Variants in ZNF385C observed in about 807,000 individuals in gnomAD.
The protein encoded by ZNF385C is zinc finger protein 385C.
In ZNF385C, 28 loss-of-function variants were observed where a neutral mutation model predicts 35.4. The observed-to-expected ratio is 0.79, with a 90% CI of 0.59 to 1.08. The LOEUF (loss-of-function observed/expected upper bound fraction) is 1.08, where lower values mean the gene tolerates loss of function less well. Ranked by LOEUF, ZNF385C falls within the 50% of genes least tolerant of loss-of-function variation. ZNF385C has a pLI of 0.00. For synonymous variants in ZNF385C, 248 were observed against 248.2 expected, an observed-to-expected ratio of 1.00 and a Z score of 0.01; for missense variants, 605 against 595.6, an observed-to-expected ratio of 1.02 and a Z score of -0.16.
intron 1 of ZNF385C, among the ~76,000 whole-genome samples, chr17:42,067,512 C>T (rs1224787230): frequency 1.3e-5 from 2 of 152,096 alleles, no homozygotes; most frequent in African/African-American, 4.8e-5. Context: ...AGACTCCGTA[C>T]CCCCTGGGCA....
chr17:42,085,614 T>G (rs1555660064), intron 1 of ZNF385C, among the ~76,000 whole-genome samples: 1 of 149,480 alleles, frequency 6.7e-6, no homozygotes, highest in Non-Finnish European at 1.5e-5. Context: ...TTTTTTTTTT[T>G]TGAGACAGAG....
intron 1 of ZNF385C, among the ~76,000 whole-genome samples, chr17:42,086,111 G>T (rs1035164248): frequency 7.2e-5 from 11 of 152,100 alleles, no homozygotes; most frequent in African/African-American, 2.2e-4. Context: ...TAAAAAACCG[G>T]CTGGGTGCAG....
At chr17:42,072,504 G>C (rs1035111692) in intron 1 of ZNF385C, among the ~76,000 whole-genome samples, 3 of 152,072 alleles carry the variant, frequency 2.0e-5, no homozygotes, top group Non-Finnish European at 2.9e-5. Flanking sequence ...CCCCCGCGGC[G>C]CGTGGGTCCG....
In ZNF385C at chr17:42,050,985, G is replaced by C. The variant is rs1018939160; in HGVS notation, c.250+11822C>G. Among the ~76,000 whole-genome samples the C allele has an allele frequency of 6.6e-6, 1 of 152,010 alleles. No individual in the cohort carries two copies. The highest frequency in any genetic ancestry group is 2.4e-5 in the African/African-American group (1 of 41,380). On this transcript the variant is annotated intron_variant, in intron 2 of 8. Transcript: ENST00000692273. This position sits in a 1 kb window ranked among gnomAD's most constrained non-coding sequence, Gnocchi z 5.6. ...AAGTGCTTTGGGATCACGAAGGAGC[G>C]GGCGACCAGCTGAAGGTCTGCAGGG...
At chr17:42,057,858 G>A (rs142892929) in intron 2 of ZNF385C, among the ~76,000 whole-genome samples, 183 of 152,124 alleles carry the variant, frequency 1.2e-3, no homozygotes, top group African/African-American at 4.3e-3. Flanking sequence ...CAGGAGAATC[G>A]CTTGAACCTG....
chr17:42,061,207 A>ATTTTTTTTTTTTTTTTTTTTTT (rs10617911), intron 2 of ZNF385C: 8 of 57,506 alleles, frequency 1.4e-4, no homozygotes, highest in Admixed American at 3.1e-4. Flanking sequence ...TAATGAGTTA[A>ATTTTTTTTTTTTTTTTTTTTTT]TTTTTTTTTT....
chr17:42,031,915 C>T (rs2052738863), intron 4 of ZNF385C, 131 bp from the exon 5 acceptor site: 1 of 1,000,564 alleles, frequency 1.0e-6, no homozygotes, highest in Admixed American at 2.7e-5. Context: ...AAGTCCTTGT[C>T]CTTGTCATCA....
At chr17:42,093,772 C>A (rs916982764) in intron 1 of ZNF385C, among the ~76,000 whole-genome samples, 3 of 151,736 alleles carry the variant, frequency 2.0e-5, no homozygotes, top group Non-Finnish European at 4.4e-5. Flanking sequence ...TTAGCAGAGA[C>A]GAGGTTTCAC....
Position 42,034,275 on chromosome 17 carries a change from T to G in ZNF385C, c.460A>C (p.Lys154Gln). ...ATGTTACAGGAAATGAACAGCTTCT[T>G]CTTCAGAGGGGAGGGGACACCAAAC... ...HTFGVPSPLK[K>Q]KLFISCNICH... The change falls in exon 4 of 9, where the codon AAG (lysine) becomes CAG (glutamine). Residue 154 changes from lysine (K) to glutamine (Q), a missense_variant. Physicochemically the swap from Lys to Gln is moderately conservative, Grantham distance 53 (BLOSUM62 1). Coordinates refer to ENST00000692273, the MANE Select transcript of ZNF385C (RefSeq NM_001392013.1). 6.4e-7 allele frequency: 1 copy of G among 1,550,632 alleles called. No individual in the cohort carries two copies. Among genetic ancestry groups the G allele is most frequent in the Non-Finnish European group, 8.7e-7 (1 of 1,147,004 alleles).
intron 2 of ZNF385C, chr17:42,040,242 G>A (rs1598184533): frequency 8.1e-7 from 1 of 1,231,598 alleles, no homozygotes; most frequent in African/African-American, 1.5e-5. Flanking sequence ...CCTTCCGCAT[G>A]GAGTCCAGGA....
At chr17:42,039,736 CCCCA>C (rs2052959654) in intron 2 of ZNF385C, 1 of 1,232,392 alleles carries the variant, frequency 8.1e-7, no homozygotes, top group Non-Finnish European at 1.0e-6. Flanking sequence ...GAAGCCCTCT[CCCCA>C]CCCACTCTCT....
intron 2 of ZNF385C, among the ~76,000 whole-genome samples, chr17:42,061,011 C>T (rs994018224): frequency 2.4e-4 from 37 of 152,082 alleles, no homozygotes; most frequent in Non-Finnish European, 5.9e-5. Context: ...CTGGCCCCTC[C>T]TCTGACTTCT....
rs71357525 is a variant in ZNF385C, at chr17:42,034,784, C to CAAA, written c.400-452_400-450dup. Among the ~76,000 whole-genome samples the CAAA allele has an allele frequency of 3.8e-3, 242 of 64,162 alleles. 4 individuals carry two copies. Among genetic ancestry groups the CAAA allele is most frequent in the African/African-American group, 0.011 (223 of 20,896 alleles). 42.1% of individuals were successfully genotyped at this position (64,162 alleles called of 152,430 possible). A position where few individuals can be genotyped will look rare whatever the true frequency, so the allele number is the denominator to read the frequency against. On this transcript the variant is annotated intron_variant, in intron 3 of 8. Transcript: ENST00000692273. ...GGGCAACAAGAGCGAAACTTCGTCT[C>CAAA]AAAAAAAAAAAAAAGAAAAGAAAAA...
chr17:42,043,065 A>G (rs2053063621), intron 2 of ZNF385C: 1 of 1,231,960 alleles, frequency 8.1e-7, no homozygotes, highest in Admixed American at 4.2e-5. Flanking sequence ...AGGCCCCTCC[A>G]CCTTCAGCCT....
chr17:42,041,042 G>A, intron 2 of ZNF385C: 1 of 1,232,354 alleles, frequency 8.1e-7, no homozygotes, highest in Non-Finnish European at 1.0e-6. Context: ...GTGGCGGGCT[G>A]GCCATCACAG....
chr17:42,039,928 G>T, intron 2 of ZNF385C: 1 of 1,231,218 alleles, frequency 8.1e-7, no homozygotes, highest in Non-Finnish European at 1.0e-6. Flanking sequence ...CAAAGCCAAG[G>T]CGGCTAGGGC....
chr17:42,048,584 A>G (rs1397437676), intron 2 of ZNF385C, among the ~76,000 whole-genome samples: 4 of 152,024 alleles, frequency 2.6e-5, no homozygotes, highest in Non-Finnish European at 5.9e-5. Flanking sequence ...CCCTCTCCCA[A>G]TCATCCCTGT....
intron 8 of ZNF385C, among the ~76,000 whole-genome samples, 185 bp from the exon 9 acceptor site, chr17:42,027,318 T>C (rs1555654322): frequency 6.6e-6 from 1 of 151,956 alleles, no homozygotes; most frequent in Non-Finnish European, 1.5e-5. Flanking sequence ...CCTGTCTTCC[T>C]GTCCAGAGGG....
At chr17:42,053,628 TC>T (rs2053323633) in intron 2 of ZNF385C, among the ~76,000 whole-genome samples, 1 of 152,118 alleles carries the variant, frequency 6.6e-6, no homozygotes, top group Non-Finnish European at 1.5e-5. Flanking sequence ...TCCTACCCTT[TC>T]TTTCACCTTT....
Sources: gnomAD v4.1 joint callset for allele counts (sites outside exome capture counted in the v4.1 genomes callset) on GRCh38, gnomAD v4.1.1 for gene constraint, Gnocchi (gnomAD v3.1) non-coding constraint, MANE v1.5 for transcripts, NCBI Gene and HGNC (gene_info 2026-07-23, HGNC 2026-07-21) for gene names.